Variants in CDH11 observed in about 807,000 individuals in gnomAD.
The protein encoded by CDH11 is cadherin-11.
In CDH11, 11 loss-of-function variants were observed where a neutral mutation model predicts 67.8. The observed-to-expected ratio is 0.16, with a 90% confidence interval of 0.10 to 0.27. The LOEUF is 0.27. Ranked by LOEUF, CDH11 falls within the 10% of genes least tolerant of loss-of-function variation. The pLI is 1.00. For synonymous variants in CDH11, 419 were observed against 400.0 expected, an observed-to-expected ratio of 1.05 and a Z score of -0.57; for missense variants, 847 against 1,031.2, an observed-to-expected ratio of 0.82 and a Z score of 2.45.
intron 2 of CDH11, among the ~76,000 whole-genome samples, chr16:65,018,567 A>G (rs531554704): frequency 9.2e-5 from 14 of 152,328 alleles, no homozygotes; most frequent in South Asian, 4.1e-4. Flanking sequence ...ACTTTTCTCA[A>G]TTGCTAGAAG....
chr16:65,059,634 C>T (rs985601030), intron 1 of CDH11: 3 of 152,174 alleles, frequency 2.0e-5, no homozygotes, highest in African/African-American at 7.2e-5. Flanking sequence ...GATCTCACAG[C>T]TCTTTCCCTG....
rs1380777081 is a variant in CDH11, at chr16:65,121,807, C to T, written c.-298+73G>A. On this transcript the variant is annotated intron_variant, in intron 1 of 12. Transcript: ENST00000268603. The surrounding 1 kb of genome is among the most constrained non-coding windows in gnomAD (Gnocchi z 4.1). ...CCCCGCCCCGCCAAGACATTCTCTT[C>T]CTGAGAAAATCCTGCCCCCCATTCC... The T allele has an allele frequency of 2.9e-6, 2 of 691,294 alleles. No homozygotes were observed. Among genetic ancestry groups the T allele is most frequent in the Admixed American group, 4.0e-5 (2 of 49,722 alleles). 42.8% of individuals were successfully genotyped at this position (691,294 alleles called of 1,614,324 possible).
chr16:65,006,417 T>A (rs965329698), intron 2 of CDH11, among the ~76,000 whole-genome samples: 4 of 152,194 alleles, frequency 2.6e-5, no homozygotes, highest in African/African-American at 9.6e-5. Context: ...AATCTTGGCA[T>A]AGTGGAAGGT....
At chr16:65,027,318 A>C (rs2073553389) in intron 2 of CDH11, among the ~76,000 whole-genome samples, 1 of 152,202 alleles carries the variant, frequency 6.6e-6, no homozygotes, top group South Asian at 2.1e-4. Flanking sequence ...GCCCAGCTGG[A>C]TGTCTCCCCA....
At chr16:65,109,710 T>C (rs1354220797) in intron 1 of CDH11, among the ~76,000 whole-genome samples, 1 of 152,214 alleles carries the variant, frequency 6.6e-6, no homozygotes, top group Non-Finnish European at 1.5e-5. Context: ...GAACTGGATG[T>C]GTCCCTTACA....
upstream of CDH11, chr16:65,122,078 G>A: frequency 1.8e-6 from 1 of 559,514 alleles, no homozygotes; most frequent in South Asian, 1.8e-5. Flanking sequence ...CGCCGAGCGC[G>A]CTAGTGGCAG....
rs561664507 is a variant in CDH11 at position 65,118,039 on chromosome 16, C to A, written c.-298+3841G>T. Among the ~76,000 whole-genome samples the A allele has an allele frequency of 4.3e-4, 65 of 152,304 alleles. 1 individual carries two copies. The highest frequency in any genetic ancestry group is 1.5e-3 in the African/African-American group (64 of 41,570). ...ACTGCTCGAGCAGTAGCTTGAACCA[C>A]AGCTAGATTGAATTCGGTCTCTCCT... is the stretch of plus-strand genomic sequence containing the variant. On this transcript the variant is annotated intron_variant, in intron 1 of 12. Transcript: ENST00000268603.
Position 64,945,286 on chromosome 16 carries a change from C to G in CDH11, c.*2317G>C, listed in dbSNP as rs35148. The stretch of plus-strand genomic sequence containing the variant: ...TGTTCTACAAACAATAGAGGCTTAA[C>G]GAAAAAATAAAAGGTAAAAAAAAAA... On this transcript the variant is annotated 3_prime_UTR_variant, in exon 13 of 13. Coordinates refer to ENST00000268603, the MANE Select transcript of CDH11 (RefSeq NM_001797.4). The G allele has an allele frequency of 2.2e-6, 1 of 452,798 alleles. No homozygotes were observed. Among genetic ancestry groups the G allele is most frequent in the Admixed American group, 9.4e-5 (1 of 10,666 alleles). The allele number at this position is 452,798 out of a possible 1,614,324, so 28.0% of individuals were successfully genotyped here.
intron 1 of CDH11, among the ~76,000 whole-genome samples, chr16:65,067,174 A>G (rs2074326186): frequency 6.6e-6 from 1 of 150,978 alleles, no homozygotes; most frequent in African/African-American, 2.4e-5. Context: ...CAAAACCTGC[A>G]TGAAATACAA....
At chr16:64,988,636 TAATGATGGAGAA>T (rs1388343294) in intron 6 of CDH11, among the ~76,000 whole-genome samples, 28 of 152,262 alleles carry the variant, frequency 1.8e-4, no homozygotes, top group African/African-American at 6.5e-4. Flanking sequence ...TCCCATCAGG[TAATGATGGAGAA>T]CCATGCATGT....
chr16:65,101,990 TCA>T (rs759519946), intron 1 of CDH11, among the ~76,000 whole-genome samples: 26 of 152,332 alleles, frequency 1.7e-4, no homozygotes, highest in Non-Finnish European at 3.2e-4. Flanking sequence ...ACATCTTTAC[TCA>T]CAGTTATGAT....
intron 4 of CDH11, 108 bp from the exon 5 acceptor site, chr16:64,993,142 A>T (rs2072673158): frequency 1.2e-6 from 1 of 864,678 alleles, no homozygotes; most frequent in South Asian, 1.6e-5. Flanking sequence ...CACCACAATT[A>T]TTCAACATTC....
intron 2 of CDH11, 32 bp from the exon 3 acceptor site, chr16:65,005,073 G>A: frequency 1.5e-6 from 2 of 1,340,646 alleles, no homozygotes; most frequent in African/African-American, 3.0e-5. Flanking sequence ...ATTAACTGCA[G>A]GCCAAATCCC....
intron 11 of CDH11, among the ~76,000 whole-genome samples, chr16:64,969,093 G>A (rs2071927624): frequency 6.6e-6 from 1 of 152,110 alleles, no homozygotes. Flanking sequence ...CAGGGGAGAT[G>A]AATTGTTCAG....
intron 1 of CDH11, among the ~76,000 whole-genome samples, chr16:65,086,469 G>A (rs569329609): frequency 3.3e-5 from 5 of 152,172 alleles, no homozygotes; most frequent in Admixed American, 1.3e-4. Flanking sequence ...ATCTAGATCC[G>A]CCTCTGTTGT....
At chr16:64,997,156 C>T (rs62042220) in intron 4 of CDH11, among the ~76,000 whole-genome samples, 2,110 of 151,730 alleles carry the variant, frequency 0.014, 22 homozygotes, top group Non-Finnish European at 0.023. Flanking sequence ...AGAAATTAGC[C>T]GGGCGTGGTG....
intron 1 of CDH11, among the ~76,000 whole-genome samples, chr16:65,076,968 A>G (rs2074523699): frequency 6.6e-6 from 1 of 151,772 alleles, no homozygotes; most frequent in Non-Finnish European, 1.5e-5. Flanking sequence ...GATCAACCCC[A>G]TTTTTCTCAG....
At position 65,048,835 on chromosome 16, in the gene CDH11, G is replaced by A. The variant is rs538710408; in HGVS notation, c.-173+4969C>T. Among the ~76,000 whole-genome samples the A allele has an allele frequency of 2.5e-4, 38 of 151,634 alleles. No individual in the cohort carries two copies. The South Asian group carries it at 7.1e-3, about 28-fold the overall frequency. ...TTTTTATGGCTGTATGGTATATCAC[G>A]AAATACTACACAGCCACAGAGAATA... On this transcript the variant is annotated intron_variant, in intron 2 of 12. Transcript: ENST00000268603.
rs1350293449 is a variant in CDH11 at position 64,946,342 on chromosome 16, A to G, written c.*1261T>C. The G allele has an allele frequency of 2.9e-6, 3 of 1,038,274 alleles. No individual in the cohort carries two copies. Among genetic ancestry groups the G allele is most frequent in the Non-Finnish European group, 2.3e-6 (2 of 862,800 alleles). 64.3% of individuals were successfully genotyped at this position (1,038,274 alleles called of 1,614,324 possible). A position where few individuals can be genotyped will look rare whatever the true frequency, so the allele number is the denominator to read the frequency against. On this transcript the variant is annotated 3_prime_UTR_variant, in exon 13 of 13. Coordinates refer to ENST00000268603, the MANE Select transcript of CDH11 (RefSeq NM_001797.4). The stretch of plus-strand genomic sequence containing the variant: ...TTTATATTTTTGACTCTAGTCCCCC[A>G]GTTCCCCAGTGCTCAGTGTGGGGCA...
Sources: gnomAD v4.1 joint callset for allele counts (sites outside exome capture counted in the v4.1 genomes callset) on GRCh38, gnomAD v4.1.1 for gene constraint, Gnocchi (gnomAD v3.1) non-coding constraint, MANE v1.5 for transcripts, NCBI Gene and HGNC (gene_info 2026-07-23, HGNC 2026-07-21) for gene names.